The following AGMO variants were observed in gnomAD, a reference collection of about 807,000 sequenced individuals.
The protein encoded by AGMO is glyceryl-ether monooxygenase.
A neutral mutation model predicts 60.2 loss-of-function variants in AGMO; 75 were observed. The observed-to-expected ratio is 1.25, with a 90% CI of 1.03 to 1.51. The LOEUF is 1.51. Among genes scored for constraint, AGMO ranks in the 40% most tolerant of loss-of-function variants. AGMO has a pLI of 0.00. For synonymous variants in AGMO, 261 were observed against 177.1 expected (o/e 1.47, Z -3.76); for missense variants, 763 against 525.5 (o/e 1.45, Z -4.42).
intron 12 of AGMO, among the ~76,000 whole-genome samples, chr7:15,300,141 G>C (rs1784525726): frequency 1.3e-5 from 2 of 152,102 alleles, no homozygotes; most frequent in African/African-American, 4.8e-5. Context: ...CATTTGAGTT[G>C]ATACTTGGAA....
intron 12 of AGMO, among the ~76,000 whole-genome samples, chr7:15,361,546 A>AAAAG (rs1782758741): frequency 1.1e-5 from 1 of 91,408 alleles, no homozygotes; most frequent in Admixed American, 1.3e-4. Flanking sequence ...TCTCAAAAAA[A>AAAAG]AAAAAAAAGG....
chr7:15,125,878 T>A, the AGMO span, among the ~76,000 whole-genome samples: 1 of 152,142 alleles, frequency 6.6e-6, no homozygotes, highest in African/African-American at 2.4e-5. Flanking sequence ...TCTTATGTAA[T>A]AGAGAAATAT....
intron 10 of AGMO, among the ~76,000 whole-genome samples, chr7:15,372,319 C>A (rs1783253662): frequency 1.3e-5 from 2 of 152,022 alleles, no homozygotes; most frequent in East Asian, 1.9e-4. Context: ...GGCATGGTGG[C>A]ACACACCTGT....
chr7:15,179,851 G>T, the AGMO span, among the ~76,000 whole-genome samples: 1 of 152,246 alleles, frequency 6.6e-6, no homozygotes, highest in Non-Finnish European at 1.5e-5. Context: ...ACACTGCCAT[G>T]GCTTTTACCT....
At chr7:15,161,528 TG>T in the AGMO span, among the ~76,000 whole-genome samples, 10 of 151,712 alleles carry the variant, frequency 6.6e-5, no homozygotes, top group South Asian at 2.1e-3. Flanking sequence ...AATGCATATA[TG>T]GATCATATAT....
At chr7:15,271,957 G>A (rs576351351) in intron 12 of AGMO, among the ~76,000 whole-genome samples, 1 of 152,168 alleles carries the variant, frequency 6.6e-6, no homozygotes, top group Admixed American at 6.5e-5. Context: ...AGTTTATGCA[G>A]TGGGTCACAT....
rs1283435918 is a variant in AGMO at position 15,322,519 on chromosome 7, TATATATAA to T, written c.1263+42987_1263+42994del. ...ATAAATATATAAATATATATATAAA[TATATATAA>T]ATATATAAATATATATATAAATATA... is the stretch of plus-strand genomic sequence containing the variant. On this transcript the variant is annotated intron_variant, in intron 12 of 12. Transcript: ENST00000342526. Among the ~76,000 whole-genome samples the T allele has an allele frequency of 2.5e-3, 214 of 85,716 alleles. 8 individuals are homozygous for T. Among genetic ancestry groups the T allele is most frequent in the Non-Finnish European group, 3.3e-3 (168 of 51,004 alleles). The allele number at this position is 85,716 out of a possible 152,430, so 56.2% of individuals were successfully genotyped here.
chr7:15,542,508 G>A (rs550153641), intron 3 of AGMO, among the ~76,000 whole-genome samples: 20 of 152,074 alleles, frequency 1.3e-4, no homozygotes, highest in Admixed American at 5.9e-4. Context: ...CTGTTATAAT[G>A]GGCTTTCCAG....
intron 3 of AGMO, among the ~76,000 whole-genome samples, chr7:15,437,594 G>C (rs890537247): frequency 5.4e-5 from 8 of 147,560 alleles, no homozygotes; most frequent in Admixed American, 4.1e-4. Context: ...GAGTGCAGTG[G>C]TGGGATCTCC....
intron 12 of AGMO, among the ~76,000 whole-genome samples, chr7:15,301,288 A>C (rs1001830078): frequency 2.6e-5 from 4 of 151,996 alleles, no homozygotes; most frequent in Non-Finnish European, 5.9e-5. Context: ...AAAATACAAA[A>C]ATTAGCTAGG....
intron 4 of AGMO, among the ~76,000 whole-genome samples, chr7:15,424,680 C>A (rs528400110): frequency 1.2e-4 from 19 of 152,246 alleles, no homozygotes; most frequent in African/African-American, 4.1e-4. Context: ...CTTTAATGGA[C>A]ATAAACTTTG....
intron 12 of AGMO, among the ~76,000 whole-genome samples, chr7:15,258,130 A>G (rs1229353448): frequency 1.3e-5 from 2 of 152,210 alleles, no homozygotes; most frequent in African/African-American, 4.8e-5. Flanking sequence ...GTACTATTTT[A>G]GGTTATAATT....
At chr7:15,466,833 A>G (rs911066504) in intron 3 of AGMO, among the ~76,000 whole-genome samples, 3 of 152,194 alleles carry the variant, frequency 2.0e-5, no homozygotes, top group Admixed American at 6.5e-5. Context: ...AAGCAAAATT[A>G]TGAGTCCGGA....
chr7:15,255,746 A>G (rs1283005858), intron 12 of AGMO, among the ~76,000 whole-genome samples: 2 of 152,186 alleles, frequency 1.3e-5, no homozygotes, highest in African/African-American at 2.4e-5. Context: ...GCATTAACAG[A>G]ATAAAAGATA....
the AGMO span, among the ~76,000 whole-genome samples, chr7:15,169,690 G>A: frequency 1.3e-5 from 2 of 152,136 alleles, no homozygotes; most frequent in African/African-American, 2.4e-5. Flanking sequence ...ACCTGCCTCA[G>A]CCTCCCAAAG....
chr7:15,544,564 T>C (rs1264528617), intron 3 of AGMO, among the ~76,000 whole-genome samples: 1 of 152,122 alleles, frequency 6.6e-6, no homozygotes, highest in East Asian at 1.9e-4. Flanking sequence ...AAAAATGTAC[T>C]TCCAATAATT....
At chr7:15,540,286 AATAGAGTATAT>A (rs1784591212) in intron 3 of AGMO, among the ~76,000 whole-genome samples, 1 of 152,140 alleles carries the variant, frequency 6.6e-6, no homozygotes. Context: ...AAACTTACTA[AATAGAGTATAT>A]AGATCCCAGA....
intron 12 of AGMO, among the ~76,000 whole-genome samples, chr7:15,235,103 A>T (rs539270528): frequency 2.0e-5 from 3 of 152,184 alleles, no homozygotes; most frequent in Admixed American, 2.0e-4. Flanking sequence ...TCTATAGAAA[A>T]AGAGATCCTC....
chr7:15,280,336 TCC>T lies in AGMO; in HGVS notation c.1264-78979_1264-78978del, dbSNP rs561279907. Among the ~76,000 whole-genome samples the T allele has an allele frequency of 1.8e-3, 275 of 152,230 alleles. 2 individuals are homozygous for T. The highest frequency in any genetic ancestry group is 6.1e-3 in the African/African-American group (254 of 41,540). On this transcript the variant is annotated intron_variant, in intron 12 of 12. Coordinates refer to ENST00000342526, the MANE Select transcript of AGMO (RefSeq NM_001004320.2). Reference sequence around the variant, plus strand: ...TTACTGCTGCCTGCTTACTCCCCACTCCCTGTGCCAACACTTCTTCACAGCAG... The same window carrying T: ...TTACTGCTGCCTGCTTACTCCCCACTCTGTGCCAACACTTCTTCACAGCAG...
Sources: gnomAD v4.1 joint callset for allele counts (sites outside exome capture counted in the v4.1 genomes callset) on GRCh38, gnomAD v4.1.1 for gene constraint, MANE v1.5 for transcripts, NCBI Gene and HGNC (gene_info 2026-07-23, HGNC 2026-07-21) for gene names.